The following RGS7 variants were observed in gnomAD, a reference collection of about 807,000 sequenced individuals.
RGS7 encodes regulator of G protein signaling 7.
Under a neutral mutation model 81.1 loss-of-function variants are expected in RGS7, and 27 were observed. The ratio of observed to expected loss-of-function variants is 0.33; its 90% confidence interval spans 0.25 to 0.46. The LOEUF (loss-of-function observed/expected upper bound fraction) is 0.46, where lower values mean the gene tolerates loss of function less well. RGS7 is among the 20% of genes least tolerant of loss of function. RGS7 has a pLI of 1.00. For synonymous variants in RGS7, 208 were observed against 207.7 expected (o/e 1.00, Z -0.01); for missense variants, 396 against 607.4 (o/e 0.65, Z 3.66).
chr1:240,958,079 A>G (rs2255114), intron 4 of RGS7, among the ~76,000 whole-genome samples: 152,222 of 152,300 alleles, frequency 1, 76,072 homozygotes, highest in Middle Eastern at 1. Flanking sequence ...CACCCCTGAT[A>G]AAGTGCAGTT....
chr1:241,297,551 G>C (rs1157938267), intron 2 of RGS7, among the ~76,000 whole-genome samples: 1 of 152,146 alleles, frequency 6.6e-6, no homozygotes, highest in African/African-American at 2.4e-5. Context: ...AATTTATTAA[G>C]CAAATAAGAC....
intron 6 of RGS7, among the ~76,000 whole-genome samples, chr1:240,909,249 T>C (rs377738613): frequency 2.1e-4 from 32 of 152,364 alleles, no homozygotes; most frequent in African/African-American, 4.8e-4. Context: ...GTGAATCCCA[T>C]ACAGTGCAAT....
At chr1:241,184,308 G>GA (rs1337381815) in intron 2 of RGS7, among the ~76,000 whole-genome samples, 3 of 152,100 alleles carry the variant, frequency 2.0e-5, no homozygotes, top group Non-Finnish European at 4.4e-5. Flanking sequence ...GACGACAGCA[G>GA]AAAAATTATA....
intron 5 of RGS7, among the ~76,000 whole-genome samples, chr1:240,933,016 TG>T (rs1675875451): frequency 6.7e-6 from 1 of 148,612 alleles, no homozygotes; most frequent in Non-Finnish European, 1.5e-5. Flanking sequence ...CCCGAGTAGC[TG>T]GGACTACAGG....
At chr1:240,789,295 C>A (rs1337799837) in intron 18 of RGS7, among the ~76,000 whole-genome samples, 2 of 152,104 alleles carry the variant, frequency 1.3e-5, no homozygotes, top group African/African-American at 2.4e-5. Context: ...CGCCTCAGGA[C>A]CATGTGATGA....
At chr1:241,338,152 G>A (rs1042704832) in intron 2 of RGS7, among the ~76,000 whole-genome samples, 1 of 152,084 alleles carries the variant, frequency 6.6e-6, no homozygotes, top group Non-Finnish European at 1.5e-5. Context: ...ACAAATTGAT[G>A]TGCTTATTTG....
intron 6 of RGS7, among the ~76,000 whole-genome samples, chr1:240,874,165 A>T (rs553279776): frequency 6.6e-6 from 1 of 152,222 alleles, no homozygotes; most frequent in East Asian, 1.9e-4. Flanking sequence ...ATCAGTTGGC[A>T]CTTTAATCCT....
At chr1:240,801,739 T>G (rs1369395732) in intron 16 of RGS7, among the ~76,000 whole-genome samples, 1 of 152,054 alleles carries the variant, frequency 6.6e-6, no homozygotes, top group Non-Finnish European at 1.5e-5. Flanking sequence ...AACAAAATGG[T>G]GTGATTCAAG....
chr1:241,113,479 T>C (rs2065672148), intron 2 of RGS7, among the ~76,000 whole-genome samples: 1 of 152,222 alleles, frequency 6.6e-6, no homozygotes, highest in Non-Finnish European at 1.5e-5. Flanking sequence ...CTTTACTTTC[T>C]ATAGCTGGAA....
At chr1:241,166,408 G>A (rs996622631) in intron 2 of RGS7, among the ~76,000 whole-genome samples, 1 of 151,962 alleles carries the variant, frequency 6.6e-6, no homozygotes, top group Non-Finnish European at 1.5e-5. Flanking sequence ...TAGATCTGAG[G>A]TGCAGAGATG....
chr1:241,127,545 C>G (rs373257252), intron 2 of RGS7, among the ~76,000 whole-genome samples: 14 of 152,024 alleles, frequency 9.2e-5, no homozygotes, highest in South Asian at 2.1e-4. Flanking sequence ...ACTGTTGTGG[C>G]GTGGGGGGAG....
At chr1:240,911,106 C>A (rs1671682528) in intron 6 of RGS7, among the ~76,000 whole-genome samples, 1 of 152,170 alleles carries the variant, frequency 6.6e-6, no homozygotes, top group African/African-American at 2.4e-5. Context: ...CTTTCTCTCT[C>A]TCAATCTCTC....
At chr1:240,908,130 T>G (rs1389091002) in intron 6 of RGS7, among the ~76,000 whole-genome samples, 1 of 139,204 alleles carries the variant, frequency 7.2e-6, no homozygotes, top group African/African-American at 2.7e-5. Flanking sequence ...TTCTCACTCG[T>G]AGGTGGGAAC....
At chr1:240,874,522 C>T (rs959790339) in intron 6 of RGS7, among the ~76,000 whole-genome samples, 1 of 152,096 alleles carries the variant, frequency 6.6e-6, no homozygotes, top group Non-Finnish European at 1.5e-5. Flanking sequence ...AAAATTAAAT[C>T]TGGTATGTAA....
At chr1:241,090,371 C>T (rs12093416) in intron 3 of RGS7, among the ~76,000 whole-genome samples, 6,991 of 152,118 alleles carry the variant, frequency 0.046, 186 homozygotes, top group Non-Finnish European at 0.053. Flanking sequence ...AGGCAGAAAC[C>T]AGGGAAGGGG....
chr1:241,180,394 AAAC>A (rs1162959932), intron 2 of RGS7, among the ~76,000 whole-genome samples: 2 of 152,042 alleles, frequency 1.3e-5, no homozygotes, highest in African/African-American at 2.4e-5. Flanking sequence ...CAAAAAAACA[AAAC>A]AACAACAACA....
At chr1:241,093,232 GT>G (rs879889904) in intron 3 of RGS7, among the ~76,000 whole-genome samples, 1 of 151,182 alleles carries the variant, frequency 6.6e-6, no homozygotes, top group East Asian at 1.9e-4. Flanking sequence ...CTTCTTAAAG[GT>G]TTTTTTTTGT....
intron 6 of RGS7, among the ~76,000 whole-genome samples, chr1:240,876,125 C>T (rs969558968): frequency 1.3e-5 from 2 of 152,140 alleles, no homozygotes; most frequent in Admixed American, 6.5e-5. Flanking sequence ...ACAGAGCCAC[C>T]TCCCTTTCAA....
intron 9 of RGS7, among the ~76,000 whole-genome samples, chr1:240,830,664 A>C (rs1693681544): frequency 6.6e-6 from 1 of 152,180 alleles, no homozygotes; most frequent in Non-Finnish European, 1.5e-5. Context: ...TTCTGAGAAA[A>C]CTATGTCAAT....
Sources: allele counts gnomAD v4.1 joint callset (sites outside exome capture counted in the v4.1 genomes callset), GRCh38; gene constraint gnomAD v4.1.1; transcripts MANE v1.5; gene names NCBI Gene and HGNC (gene_info 2026-07-23, HGNC 2026-07-21).